SMC4: variants seen among roughly 807,000 people sequenced by gnomAD.
SMC4 encodes the protein structural maintenance of chromosomes protein 4.
Under a neutral mutation model 145.6 loss-of-function variants are expected in SMC4, and 87 were observed. That is an observed-to-expected ratio of 0.60 (90% CI 0.50 to 0.71). The LOEUF (loss-of-function observed/expected upper bound fraction) is 0.71. Among genes scored for constraint, SMC4 ranks in the 30% least tolerant of loss-of-function variants. SMC4 has a pLI of 0.00. For missense variants in SMC4, 1,447 were observed against 1,537.1 expected (o/e 0.94, Z 0.98); for synonymous variants, 558 against 500.7 (o/e 1.11, Z -1.53).
chr3:160,431,618 ACT>A, intron 20 of SMC4, 23 bp from the exon 21 acceptor site: 2 of 1,529,636 alleles, frequency 1.3e-6, no homozygotes, highest in Middle Eastern at 1.7e-4. Context: ...GCCTTCTCTA[ACT>A]CTCCCCTAAA....
intron 17 of SMC4, among the ~76,000 whole-genome samples, chr3:160,427,621 T>C (rs1717931007): frequency 6.6e-6 from 1 of 152,224 alleles, no homozygotes; most frequent in African/African-American, 2.4e-5. Flanking sequence ...ATATATCTCC[T>C]CTCATAGAAA....
intron 8 of SMC4, 57 bp from the exon 9 acceptor site, chr3:160,414,310 G>C: frequency 7.2e-7 from 1 of 1,380,770 alleles, no homozygotes; most frequent in Non-Finnish European, 1.0e-6. Context: ...TAGGAAATGT[G>C]GTTTTAAAAT....
At chr3:160,406,361 A>G (rs1033548030) in intron 5 of SMC4, among the ~76,000 whole-genome samples, 4 of 152,154 alleles carry the variant, frequency 2.6e-5, no homozygotes, top group African/African-American at 9.6e-5. Flanking sequence ...ATAGTGCCCA[A>G]TTAAAACTTT....
At chr3:160,430,366 C>T (rs1002618161) in intron 18 of SMC4, among the ~76,000 whole-genome samples, 7 of 152,108 alleles carry the variant, frequency 4.6e-5, no homozygotes, top group African/African-American at 1.4e-4. Context: ...TTGAATGATA[C>T]AAGCAGCTTA....
In SMC4 at chr3:160,431,210, G is replaced by T; in HGVS notation, c.3114+5G>T. The T allele has an allele frequency of 6.4e-7, 1 of 1,567,100 alleles. No homozygotes were observed. Among genetic ancestry groups the T allele is most frequent in the South Asian group, 1.2e-5 (1 of 83,732 alleles). ...ATAAAATATTGGCACAAAGAGGTGA[G>T]ATTGTTACCGTTTAGTTTAATTTTA... On this transcript the variant is annotated splice_donor_5th_base_variant and intron_variant, in intron 20 of 23. Coordinates refer to ENST00000357388, the MANE Select transcript of SMC4 (RefSeq NM_001002800.3).
intron 4 of SMC4, among the ~76,000 whole-genome samples, chr3:160,403,821 AG>A (rs1412768446): frequency 3.9e-5 from 6 of 152,108 alleles, no homozygotes; most frequent in Admixed American, 2.0e-4. Context: ...AAGAAAATCA[AG>A]GGAATTTAGT....
intron 22 of SMC4, 123 bp from the exon 23 acceptor site, chr3:160,432,903 T>C (rs1320056265): frequency 4.5e-6 from 3 of 671,754 alleles, no homozygotes; most frequent in Non-Finnish European, 7.7e-6. Flanking sequence ...AGAATTCATA[T>C]TTGTGAAAAG....
chr3:160,432,916 A>G, intron 22 of SMC4, 110 bp from the exon 23 acceptor site: 3 of 722,946 alleles, frequency 4.1e-6, no homozygotes, highest in Non-Finnish European at 2.3e-6. Flanking sequence ...GTGAAAAGCA[A>G]GTTACAGATT....
At position 160,409,916 on chromosome 3, in the gene SMC4, T is replaced by TC. The variant is rs1715792640; in HGVS notation, c.688-2004_688-2003insC. Among the ~76,000 whole-genome samples, 2 of 152,042 alleles carry TC rather than the reference T, an allele frequency of 1.3e-5. 1 individual carries two copies. Among genetic ancestry groups the TC allele is most frequent in the South Asian group, 4.2e-4 (2 of 4,814 alleles). On this transcript the variant is annotated intron_variant, in intron 5 of 23. Coordinates refer to ENST00000357388, the MANE Select transcript of SMC4 (RefSeq NM_001002800.3). ...ACCACCATGTGTACAAAAAAAATTT[T>TC]TTTTTAAAGATTAGCTGGGTGTGGT...
chr3:160,426,439 TC>T (rs1717804238), intron 17 of SMC4, among the ~76,000 whole-genome samples: 1 of 152,138 alleles, frequency 6.6e-6, no homozygotes, highest in African/African-American at 2.4e-5. Context: ...GATTTTTGAG[TC>T]CATGCTTTTA....
intron 5 of SMC4, chr3:160,404,739 A>G (rs184323459): frequency 1.1e-5 from 7 of 660,834 alleles, no homozygotes; most frequent in East Asian, 9.8e-5. Context: ...ATGAACTGAC[A>G]TACTTGTTCC....
chr3:160,413,961 T>C, intron 8 of SMC4: 1 of 317,814 alleles, frequency 3.1e-6, no homozygotes, highest in South Asian at 2.8e-5. Context: ...TTTTATCATG[T>C]CCCTACTTGA....
intron 19 of SMC4, 89 bp from the exon 20 acceptor site, chr3:160,430,943 G>GGA: frequency 7.5e-7 from 1 of 1,339,308 alleles, no homozygotes; most frequent in Non-Finnish European, 1.0e-6. Flanking sequence ...AGGGGCATGA[G>GGA]GAGAGATTGG....
chr3:160,431,601 A>G, intron 20 of SMC4, 42 bp from the exon 21 acceptor site: 3 of 1,405,634 alleles, frequency 2.1e-6, no homozygotes, highest in Middle Eastern at 1.9e-4. Context: ...ATTGTATGTA[A>G]TATTATGCCT....
At chr3:160,409,214 C>T (rs964130906) in intron 5 of SMC4, among the ~76,000 whole-genome samples, 1 of 131,278 alleles carries the variant, frequency 7.6e-6, no homozygotes, top group African/African-American at 2.9e-5. Flanking sequence ...TGCAGTGAGT[C>T]GAGATCGCGC....
chr3:160,417,292 T>C (rs1353127029), intron 10 of SMC4, among the ~76,000 whole-genome samples: 1 of 152,170 alleles, frequency 6.6e-6, no homozygotes, highest in Non-Finnish European at 1.5e-5. Context: ...CATGTTCTAA[T>C]GTCAGATTAT....
chr3:160,409,697 CTTGAATTGGG>C (rs1478522255), intron 5 of SMC4, among the ~76,000 whole-genome samples: 1 of 152,082 alleles, frequency 6.6e-6, no homozygotes, highest in Non-Finnish European at 1.5e-5. Flanking sequence ...AGATATTCTC[CTTGAATTGGG>C]TAGAATATTA....
intron 5 of SMC4, 150 bp downstream of exon 5, chr3:160,404,654 A>G (rs781188500): frequency 2.5e-6 from 2 of 804,168 alleles, no homozygotes; most frequent in African/African-American, 3.4e-5. Context: ...GCGAATCATT[A>G]TTTGCTGCTC....
At chr3:160,426,905 T>C (rs1014502155) in intron 17 of SMC4, among the ~76,000 whole-genome samples, 2 of 152,210 alleles carry the variant, frequency 1.3e-5, no homozygotes, top group Non-Finnish European at 2.9e-5. Context: ...GTTCATTTTA[T>C]TCTTAAGACA....
Sources: allele counts gnomAD v4.1 joint callset (sites outside exome capture counted in the v4.1 genomes callset), GRCh38; gene constraint gnomAD v4.1.1; transcripts MANE v1.5; gene names NCBI Gene and HGNC (gene_info 2026-07-23, HGNC 2026-07-21).